C1QTNF3: variants seen among roughly 807,000 people sequenced by gnomAD.
The protein encoded by C1QTNF3 is complement C1q tumor necrosis factor-related protein 3.
Under a neutral mutation model 32.6 loss-of-function variants are expected in C1QTNF3, and 26 were observed. The ratio of observed to expected loss-of-function variants is 0.80; its 90% CI spans 0.58 to 1.11. The LOEUF (loss-of-function observed/expected upper bound fraction) is 1.11. Ranked by LOEUF, C1QTNF3 falls within the 50% of genes least tolerant of loss-of-function variation. The probability of loss-of-function intolerance (pLI) is 0.00; values close to 1 mark genes in which losing one functional copy is unlikely to be tolerated. For synonymous variants in C1QTNF3, 155 were observed against 146.0 expected (o/e 1.06, Z -0.44); for missense variants, 362 against 398.2 (o/e 0.91, Z 0.77).
the C1QTNF3 span, among the ~76,000 whole-genome samples, chr5:34,128,052 A>T: frequency 6.6e-6 from 1 of 151,810 alleles, no homozygotes; most frequent in South Asian, 2.1e-4. Flanking sequence ...GAAGGGAAAA[A>T]TTTTTTCTTG....
chr5:34,120,327 G>A, the C1QTNF3 span, among the ~76,000 whole-genome samples: 2 of 151,646 alleles, frequency 1.3e-5, no homozygotes, highest in Non-Finnish European at 2.9e-5. Context: ...CTTACTTTAA[G>A]TATAGCCATC....
At chr5:34,174,906 C>A in the C1QTNF3 span, among the ~76,000 whole-genome samples, 1 of 150,994 alleles carries the variant, frequency 6.6e-6, no homozygotes, top group Non-Finnish European at 1.5e-5. Flanking sequence ...CACCACCACG[C>A]CCGGCTGATT....
chr5:34,218,577 G>A, the C1QTNF3 span: 42,475 of 152,164 alleles, frequency 0.28, 6,360 homozygotes, highest in East Asian at 0.53. Context: ...CTGTCCCCAT[G>A]CAGTGAATGA....
chr5:34,030,044 G>C (rs1754572691), intron 3 of C1QTNF3, among the ~76,000 whole-genome samples: 1 of 152,006 alleles, frequency 6.6e-6, no homozygotes, highest in African/African-American at 2.4e-5. Context: ...ACCTTGAAAA[G>C]GTAAAAAGGA....
chr5:34,213,694 G>T, the C1QTNF3 span, among the ~76,000 whole-genome samples: 1 of 135,868 alleles, frequency 7.4e-6, no homozygotes. Context: ...TTGTGTGTGT[G>T]TATATATATA....
the C1QTNF3 span, among the ~76,000 whole-genome samples, chr5:34,090,065 G>A: frequency 6.6e-6 from 1 of 152,130 alleles, no homozygotes; most frequent in Admixed American, 6.6e-5. Flanking sequence ...GCTCATCACT[G>A]AAAATCGTTT....
chr5:34,139,264 T>A, the C1QTNF3 span, among the ~76,000 whole-genome samples: 1 of 152,010 alleles, frequency 6.6e-6, no homozygotes, highest in Non-Finnish European at 1.5e-5. Context: ...GTAATCATGA[T>A]ACATTTTGGA....
the C1QTNF3 span, among the ~76,000 whole-genome samples, chr5:34,110,486 T>C: frequency 6.6e-6 from 1 of 151,486 alleles, no homozygotes; most frequent in Non-Finnish European, 1.5e-5. Context: ...GATGTCAGGA[T>C]ATTTGGGTAC....
chr5:34,060,580 C>T, the C1QTNF3 span, among the ~76,000 whole-genome samples: 1 of 152,176 alleles, frequency 6.6e-6, no homozygotes, highest in African/African-American at 2.4e-5. Context: ...ATTGGACACA[C>T]AGTTCCACCT....
At chr5:34,096,837 T>C in the C1QTNF3 span, among the ~76,000 whole-genome samples, 1 of 151,658 alleles carries the variant, frequency 6.6e-6, no homozygotes, top group Non-Finnish European at 1.5e-5. Flanking sequence ...AATACCACTC[T>C]TTGTTATCAG....
At chr5:34,224,743 C>G in the C1QTNF3 span, among the ~76,000 whole-genome samples, 2 of 152,110 alleles carry the variant, frequency 1.3e-5, no homozygotes, top group African/African-American at 4.8e-5. Flanking sequence ...TAGGCATGGG[C>G]AAGGACTTCA....
At chr5:34,128,276 G>A in the C1QTNF3 span, among the ~76,000 whole-genome samples, 2 of 152,214 alleles carry the variant, frequency 1.3e-5, no homozygotes, top group Non-Finnish European at 2.9e-5. Flanking sequence ...ATATATGGAA[G>A]TGCCTGGATA....
At chr5:34,241,714 G>C in the C1QTNF3 span, among the ~76,000 whole-genome samples, 1 of 151,876 alleles carries the variant, frequency 6.6e-6, no homozygotes, top group South Asian at 2.1e-4. Flanking sequence ...ACCAACCTGG[G>C]CAACATAGTG....
the C1QTNF3 span, among the ~76,000 whole-genome samples, chr5:34,054,022 G>A: frequency 5.3e-5 from 8 of 152,120 alleles, no homozygotes; most frequent in Non-Finnish European, 7.4e-5. Flanking sequence ...GAAACAGGCC[G>A]AGTATGGAAA....
the C1QTNF3 span, among the ~76,000 whole-genome samples, chr5:34,154,113 T>A: frequency 6.6e-6 from 1 of 152,114 alleles, no homozygotes; most frequent in Non-Finnish European, 1.5e-5. Context: ...CTATTAAGTA[T>A]AGAGTTTTTG....
the C1QTNF3 span, among the ~76,000 whole-genome samples, chr5:34,213,809 A>ATATATATATATATAT: frequency 1.6e-3 from 8 of 4,922 alleles, no homozygotes; most frequent in African/African-American, 2.0e-3. Context: ...ATATATATAT[A>ATATATATATATATAT]TTTTTTTTTT....
chr5:34,073,846 CA>C, the C1QTNF3 span, among the ~76,000 whole-genome samples: 5 of 151,872 alleles, frequency 3.3e-5, no homozygotes, highest in Non-Finnish European at 7.4e-5. Flanking sequence ...CCTGATTTTC[CA>C]AAAGTATATT....
the C1QTNF3 span, among the ~76,000 whole-genome samples, chr5:34,145,022 G>A: frequency 3.3e-5 from 5 of 152,186 alleles, no homozygotes; most frequent in Admixed American, 6.5e-5. Flanking sequence ...CAAGCTACTC[G>A]GGAGGCTGAG....
chr5:34,118,489 G>A, the C1QTNF3 span, among the ~76,000 whole-genome samples: 6 of 152,036 alleles, frequency 3.9e-5, no homozygotes, highest in Non-Finnish European at 7.4e-5. Flanking sequence ...CTCAGCTTTT[G>A]TTTATCTGGG....
Sources: gnomAD v4.1 joint callset for allele counts (sites outside exome capture counted in the v4.1 genomes callset) on GRCh38, gnomAD v4.1.1 for gene constraint, MANE v1.5 for transcripts, NCBI Gene and HGNC (gene_info 2026-07-23, HGNC 2026-07-21) for gene names.